Variants in CRTC2 observed in about 807,000 individuals in gnomAD.
The protein encoded by CRTC2 is CREB-regulated transcription coactivator 2.
In CRTC2, 25 loss-of-function variants were observed where a neutral mutation model predicts 70.9. That is an observed-to-expected ratio of 0.35 (90% CI 0.26 to 0.49). CRTC2 has a LOEUF of 0.49. Among genes scored for constraint, CRTC2 ranks in the 20% least tolerant of loss-of-function variants. The probability of loss-of-function intolerance (pLI) is 0.98; values close to 1 mark genes in which losing one functional copy is unlikely to be tolerated. For missense variants in CRTC2, 737 were observed against 882.6 expected (o/e 0.83, Z 2.09); for synonymous variants, 330 against 364.1 (o/e 0.91, Z 1.07).
chr1:153,952,364 C>T (rs1172343380), intron 9 of CRTC2, 33 bp downstream of exon 9: 1 of 1,612,590 alleles, frequency 6.2e-7, no homozygotes, highest in Admixed American at 1.7e-5. Context: ...ACTTCCTTCC[C>T]CCACCTCTCA....
At chr1:153,952,658 T>C in intron 7 of CRTC2, 23 bp from the exon 8 acceptor site, 1 of 1,613,914 alleles carries the variant, frequency 6.2e-7, no homozygotes, top group Admixed American at 1.7e-5. Context: ...AGACTGGTGA[T>C]GGGAGAGTTG....
chr1:153,948,252 C>T lies in CRTC2; in HGVS notation c.1939G>A (p.Gly647Arg), dbSNP rs1680122098. The change falls in exon 14 of 14, where the codon GGA becomes AGA. Residue 647 changes from glycine (G) to arginine (R), a missense_variant. Transcript: ENST00000368633. ...TCTAGCCCAAGCCCTAGCTCCAATC[C>T]AGCTGCTGACACCTCAAAGCCAGGC... is the stretch of plus-strand genomic sequence containing the variant. ...GVPGFEVSAA[G>R]LELGLGLEDE... 1 of 1,614,134 alleles carries T rather than the reference C, an allele frequency of 6.2e-7. No homozygotes were observed. The highest frequency in any genetic ancestry group is 8.5e-7 in the Non-Finnish European group (1 of 1,180,056).
rs750468582 is a variant in CRTC2 at position 153,949,201 on chromosome 1, G to A, written c.1588C>T (p.His530Tyr). The change falls in exon 12 of 14, where the codon CAT becomes TAT. Residue 530 changes from histidine to tyrosine, a missense_variant. Physicochemically the swap from His to Tyr is moderately conservative, Grantham distance 83. This residue lies in a region of CRTC2 where 699 missense variants were observed against 823.7 expected (regional missense o/e 0.85). Coordinates refer to ENST00000368633, the MANE Select transcript of CRTC2 (RefSeq NM_181715.3). ...SGGQPPGRQSHYGTPYPPGPS... is the reference protein window; with the variant it reads ...SGGQPPGRQSYYGTPYPPGPS... ...CCAGGTGGGTACGGTGTCCCATAAT[G>A]AGACTGCCTGCCTGGGGGCTGCCCA... 18 of 1,614,122 alleles carry A rather than the reference G, an allele frequency of 1.1e-5. No individual in the cohort carries two copies. Among genetic ancestry groups the A allele is most frequent in the Non-Finnish European group, 1.4e-5 (17 of 1,180,008 alleles).
rs557807536 is a variant in CRTC2, at chr1:153,953,197, TAATA to T, written c.607+65_607+68del. On this transcript the variant is annotated intron_variant, in intron 6 of 13. Coordinates refer to ENST00000368633, the MANE Select transcript of CRTC2 (RefSeq NM_181715.3). ...GACTCCGTCTCAAAAAAGAAAGAAA[TAATA>T]AATAAATAAATAAATAAATAAATAG... 1,909 of 820,434 alleles carry T rather than the reference TAATA, an allele frequency of 2.3e-3. 7 individuals carry two copies. Among genetic ancestry groups the T allele is most frequent in the Non-Finnish European group, 2.9e-3 (1,641 of 559,846 alleles). 50.8% of individuals were successfully genotyped at this position (820,434 alleles called of 1,614,324 possible). A position where few individuals can be genotyped will look rare whatever the true frequency, so the allele number is the denominator to read the frequency against.
At position 153,958,535 on chromosome 1, in the gene CRTC2, C is replaced by G; in HGVS notation, c.-38G>C. ...TCCCTCCCTGCCACCCTCCCAGTAC[C>G]AGCCGCGGCCTCCGCCGCGGCCTCG... On this transcript the variant is annotated 5_prime_UTR_variant, in exon 1 of 14. Transcript: ENST00000368633. 1 of 1,550,996 alleles carries G rather than the reference C, an allele frequency of 6.4e-7. No homozygotes were observed.
Position 153,949,298 on chromosome 1 carries a change from G to C in CRTC2, c.1491C>G (p.Thr497=). ...PYSSPSLVLP[T]QPHTPKSLQQ... ...GTAGAGACTTTGGGGTGTGGGGCTGGGTAGGCAGAACCAGACTTGGGGAGC... is the reference window on the plus strand; with the variant it reads ...GTAGAGACTTTGGGGTGTGGGGCTGCGTAGGCAGAACCAGACTTGGGGAGC... Residue 497 remains threonine, a synonymous_variant, in exon 12 of 14, where the codon ACC becomes ACG. Coordinates refer to ENST00000368633, the MANE Select transcript of CRTC2 (RefSeq NM_181715.3). 6.2e-7 allele frequency: 1 copy of C among 1,614,092 alleles called. No individual in the cohort carries two copies. The highest frequency in any genetic ancestry group is 8.5e-7 in the Non-Finnish European group (1 of 1,180,008).
At chr1:153,950,674 G>A (rs879280455) in intron 11 of CRTC2, among the ~76,000 whole-genome samples, 1 of 152,186 alleles carries the variant, frequency 6.6e-6, no homozygotes, top group Non-Finnish European at 1.5e-5. Context: ...GGGTAAACTT[G>A]GAAAAGTCAC....
chr1:153,947,797 G>A lies in CRTC2; in HGVS notation c.*312C>T, dbSNP rs1191889476. The A allele has an allele frequency of 2.4e-6, 1 of 411,226 alleles. No homozygotes were observed. Among genetic ancestry groups the A allele is most frequent in the African/African-American group, 2.0e-5 (1 of 49,412 alleles). 25.5% of individuals were successfully genotyped at this position (411,226 alleles called of 1,614,324 possible). ...GAGGGGCTGGCACTGCCCACCCCTAGGCATCCGGAAAAGCCCTGCTTCCAG... is the reference window on the plus strand; with the variant it reads ...GAGGGGCTGGCACTGCCCACCCCTAAGCATCCGGAAAAGCCCTGCTTCCAG... On this transcript the variant is annotated 3_prime_UTR_variant, in exon 14 of 14. Transcript: ENST00000368633.
intron 10 of CRTC2, 43 bp from the exon 11 acceptor site, chr1:153,951,709 T>A (rs758118842): frequency 6.2e-7 from 1 of 1,601,200 alleles, no homozygotes; most frequent in African/African-American, 1.3e-5. Context: ...ACATTACTGA[T>A]GGGAACTGAG....
chr1:153,947,896 G>A lies in CRTC2; in HGVS notation c.*213C>T, dbSNP rs1557863611. On this transcript the variant is annotated 3_prime_UTR_variant, in exon 14 of 14. Transcript: ENST00000368633. ...CGGTTCAAAGTTACAAGTGCTTTAG[G>A]CCCTCCCTTGAGTTCCCCCAGGCCC... The A allele has an allele frequency of 1.7e-6, 1 of 595,176 alleles. No individual in the cohort carries two copies. Among genetic ancestry groups the A allele is most frequent in the Non-Finnish European group, 3.0e-6 (1 of 335,492 alleles). 36.9% of individuals were successfully genotyped at this position (595,176 alleles called of 1,614,324 possible). A position where few individuals can be genotyped will look rare whatever the true frequency, so the allele number is the denominator to read the frequency against.
chr1:153,948,774 T>C, intron 12 of CRTC2, 130 bp from the exon 13 acceptor site: 1 of 1,079,676 alleles, frequency 9.3e-7, no homozygotes, highest in Non-Finnish European at 1.4e-6. Context: ...CAGAGGGAGG[T>C]GGCAGCAAGC....
intron 1 of CRTC2, among the ~76,000 whole-genome samples, chr1:153,956,908 A>G (rs1009337143): frequency 6.6e-6 from 1 of 152,174 alleles, no homozygotes; most frequent in Non-Finnish European, 1.5e-5. Flanking sequence ...TTCTTTGCAC[A>G]TACGAGCCCT....
At chr1:153,953,394 G>T in intron 5 of CRTC2, 25 bp from the exon 6 acceptor site, 1 of 1,548,432 alleles carries the variant, frequency 6.5e-7, no homozygotes, top group South Asian at 1.1e-5. Context: ...GGAATGAGCT[G>T]ACACCAGTGA....
Position 153,951,269 on chromosome 1 carries a change from G to A in CRTC2, c.1395C>T (p.Ser465=). Residue 465 remains serine (S), a synonymous_variant, in exon 11 of 14, where the codon TCC becomes TCT. Coordinates refer to ENST00000368633, the MANE Select transcript of CRTC2 (RefSeq NM_181715.3). ...FSPTMSPTLS[S]ITQGVPLDTS... ...AGGCAGCCACGCATACCTGAGTGAT[G>A]GAAGACAAGGTGGGTGACATTGTTG... is the stretch of plus-strand genomic sequence containing the variant. The A allele has an allele frequency of 6.2e-7, 1 of 1,613,996 alleles. No individual in the cohort carries two copies.
intron 3 of CRTC2, 59 bp from the exon 4 acceptor site, chr1:153,954,375 G>C (rs1369989766): frequency 5.7e-6 from 7 of 1,227,102 alleles, no homozygotes; most frequent in African/African-American, 1.5e-5. Context: ...GCCAAATGAG[G>C]AAAGAACAAT....
intron 1 of CRTC2, among the ~76,000 whole-genome samples, chr1:153,957,528 C>T (rs1336502080): frequency 6.6e-6 from 1 of 152,130 alleles, no homozygotes; most frequent in Non-Finnish European, 1.5e-5. Flanking sequence ...TCAGAGGCAG[C>T]CTGGCAGAGG....
At chr1:153,955,681 CA>C (rs757350237) in intron 1 of CRTC2, among the ~76,000 whole-genome samples, 134 of 124,808 alleles carry the variant, frequency 1.1e-3, no homozygotes, top group Middle Eastern at 8.0e-3. Context: ...ATCCTGTCTC[CA>C]AAAAAAAAAA....
rs1192523566 is a variant in CRTC2, at chr1:153,948,389, A to G, written c.1862-60T>C. On this transcript the variant is annotated intron_variant, in intron 13 of 13. Coordinates refer to ENST00000368633, the MANE Select transcript of CRTC2 (RefSeq NM_181715.3). ...CCTGTAAACTTTTCCAAGACCCCTC[A>G]ATCTCCTACTCATTAGTGAATGTGT... The G allele has an allele frequency of 4.3e-6, 7 of 1,612,688 alleles. No homozygotes were observed. The East Asian group carries it at 1.3e-4, about 31-fold the overall frequency.
At chr1:153,957,922 C>T (rs1217535757) in intron 1 of CRTC2, 5 of 572,624 alleles carry the variant, frequency 8.7e-6, no homozygotes, top group Admixed American at 5.6e-5. Context: ...GGCAGAGGGA[C>T]CAGTTTGGAG....
Sources: allele counts gnomAD v4.1 joint callset (sites outside exome capture counted in the v4.1 genomes callset), GRCh38; gene constraint gnomAD v4.1.1; regional missense constraint gnomAD v4.1.1; transcripts MANE v1.5; gene names NCBI Gene and HGNC (gene_info 2026-07-23, HGNC 2026-07-21).